MYO18A: variants seen among roughly 807,000 people sequenced by gnomAD.
The protein encoded by MYO18A is unconventional myosin-XVIIIa.
MYO18A carries 78 observed loss-of-function variants against 235.8 expected under a neutral mutation model. The observed-to-expected ratio is 0.33, with a 90% CI of 0.28 to 0.40. The LOEUF (loss-of-function observed/expected upper bound fraction) is 0.40, where lower values mean the gene tolerates loss of function less well. Among genes scored for constraint, MYO18A ranks in the 10% least tolerant of loss-of-function variants. The pLI is 1.00. For synonymous variants in MYO18A, 977 were observed against 1,077.8 expected, an observed-to-expected ratio of 0.91 and a Z score of 1.83; for missense variants, 2,215 against 2,699.3, an observed-to-expected ratio of 0.82 and a Z score of 3.98.
intron 41 of MYO18A, chr17:29,078,602 G>A (rs185100939): frequency 9.2e-5 from 14 of 152,258 alleles, no homozygotes; most frequent in African/African-American, 3.4e-4. Context: ...CTGCACTCGG[G>A]GGACATACCT....
chr17:29,084,875 G>A (rs1332964732), intron 40 of MYO18A, among the ~76,000 whole-genome samples: 5 of 152,084 alleles, frequency 3.3e-5, no homozygotes, highest in East Asian at 1.9e-4. Flanking sequence ...GAAGGCCTGC[G>A]CATCTGCATC....
Position 29,109,987 on chromosome 17 carries a change from T to G in MYO18A, c.3202A>C (p.Ser1068Arg). 2 of 1,612,574 alleles carry G rather than the reference T, an allele frequency of 1.2e-6. No individual in the cohort carries two copies. The highest frequency in any genetic ancestry group is 1.7e-6 in the Non-Finnish European group (2 of 1,179,472). The stretch of plus-strand genomic sequence containing the variant: ...GAGGGCAGGTCCAGCTCACTGCTGC[T>G]GCTGACTCGGCGGGAGGAGGCGGAA... ...PRSASSRRVS[S>R]SSELDLPSGD... Residue 1068 changes from serine (S) to arginine (R), a missense_variant, in exon 19 of 42, where the codon AGC (serine) becomes CGC (arginine). Coordinates refer to ENST00000527372, the MANE Select transcript of MYO18A (RefSeq NM_078471.4). The surrounding 1 kb of genome is among the most constrained non-coding windows in gnomAD (Gnocchi z 4.1).
chr17:29,172,479 A>G (rs2068428107), intron 1 of MYO18A, among the ~76,000 whole-genome samples: 2 of 151,790 alleles, frequency 1.3e-5, no homozygotes, highest in African/African-American at 4.8e-5. Context: ...AAAAAAAATT[A>G]AATAAAAATG....
At chr17:29,174,685 A>G (rs1439356043) in intron 1 of MYO18A, among the ~76,000 whole-genome samples, 1 of 151,938 alleles carries the variant, frequency 6.6e-6, no homozygotes, top group Non-Finnish European at 1.5e-5. Context: ...GTAGTGGCGC[A>G]CCTGTAATCC....
chr17:29,093,713 G>A (rs918023990), intron 31 of MYO18A, among the ~76,000 whole-genome samples: 1 of 152,132 alleles, frequency 6.6e-6, no homozygotes, highest in Non-Finnish European at 1.5e-5. Flanking sequence ...ACTGCAGGCA[G>A]CACCAGTGCA....
intron 2 of MYO18A, among the ~76,000 whole-genome samples, chr17:29,123,055 C>T (rs1463126451): frequency 6.6e-6 from 1 of 152,222 alleles, no homozygotes; most frequent in Non-Finnish European, 1.5e-5. Context: ...CAGATGGGCA[C>T]AGGAGTGGTG....
At chr17:29,114,213 G>T in intron 14 of MYO18A, 116 bp from the exon 15 acceptor site, 1 of 713,328 alleles carries the variant, frequency 1.4e-6, no homozygotes, top group Non-Finnish European at 2.5e-6. Flanking sequence ...TCTGTGCCGT[G>T]CAGGAGCTCC....
rs1267676404 is a variant in MYO18A, at chr17:29,072,335, C to T, written c.*2435G>A. ...AGGTCAGAAGTTCGAGACCAGCCTG[C>T]TCAACATGGCGAAACCCCGTCTCTA... On this transcript the variant is annotated 3_prime_UTR_variant, in exon 42 of 42. Transcript: ENST00000527372. 6.6e-6 allele frequency: 1 copy of T among 151,182 alleles called. No individual in the cohort carries two copies. Among genetic ancestry groups the T allele is most frequent in the Non-Finnish European group, 1.5e-5 (1 of 67,910 alleles). The allele number at this position is 151,182 out of a possible 1,614,324, so 9.4% of individuals were successfully genotyped here. A position where few individuals can be genotyped will look rare whatever the true frequency, so the allele number is the denominator to read the frequency against.
In MYO18A at chr17:29,140,509, G is replaced by A; in HGVS notation, c.1000-18256C>T. 1 of 943,174 alleles carries A rather than the reference G, an allele frequency of 1.1e-6. No homozygotes were observed. 58.4% of individuals were successfully genotyped at this position (943,174 alleles called of 1,614,324 possible). A position where few individuals can be genotyped will look rare whatever the true frequency, so the allele number is the denominator to read the frequency against. On this transcript the variant is annotated intron_variant, in intron 2 of 41. Transcript: ENST00000527372. The surrounding 1 kb of genome is among the most constrained non-coding windows in gnomAD (Gnocchi z 4.2). Reference sequence around the variant, plus strand: ...AGCCCTAGTTGGAGCCAGCAGCCCGGAGGACTTCGGGTATCAGGTATGCCA... The same window carrying A: ...AGCCCTAGTTGGAGCCAGCAGCCCGAAGGACTTCGGGTATCAGGTATGCCA...
At chr17:29,094,400 G>C (rs962154779) in intron 30 of MYO18A, 4 of 605,540 alleles carry the variant, frequency 6.6e-6, no homozygotes, top group African/African-American at 3.7e-5. Flanking sequence ...GTGGCCCTCA[G>C]CTGCCATGCA....
At chr17:29,142,234 A>C (rs2067758740) in intron 2 of MYO18A, among the ~76,000 whole-genome samples, 1 of 152,186 alleles carries the variant, frequency 6.6e-6, no homozygotes, top group African/African-American at 2.4e-5. Context: ...GCCTGGCTGG[A>C]CACTGGGATT....
chr17:29,144,403 T>C (rs2067804302), intron 2 of MYO18A, among the ~76,000 whole-genome samples: 1 of 152,144 alleles, frequency 6.6e-6, no homozygotes, highest in Non-Finnish European at 1.5e-5. Flanking sequence ...ACCCTCTCCA[T>C]CTCTCCAGGC....
intron 2 of MYO18A, chr17:29,124,702 G>T: frequency 7.8e-7 from 1 of 1,282,078 alleles, no homozygotes; most frequent in South Asian, 1.2e-5. Flanking sequence ...CCGACAGCAA[G>T]CAAAGGAGAG....
chr17:29,166,910 T>C lies in MYO18A; in HGVS notation c.31A>G (p.Lys11Glu), dbSNP rs1311072071. 1 of 1,548,368 alleles carries C rather than the reference T, an allele frequency of 6.5e-7. No individual in the cohort carries two copies. The highest frequency in any genetic ancestry group is 8.7e-7 in the Non-Finnish European group (1 of 1,144,790). Residue 11 changes from lysine (K) to glutamate (E), a missense_variant, in exon 2 of 42, where the codon AAA (lysine) becomes GAA (glutamate). Transcript: ENST00000527372. The part of the protein sequence containing the change: MFNLMKKDKD[K>E]DGGRKEKKEK... ...TTCTTCTCCTTCCGCCCGCCATCTT[T>C]GTCCTTGTCTTTCTTCATTAGGTTA... is the stretch of plus-strand genomic sequence containing the variant.
At chr17:29,103,798 A>G in intron 20 of MYO18A, 134 bp from the exon 21 acceptor site, 1 of 763,798 alleles carries the variant, frequency 1.3e-6, no homozygotes, top group East Asian at 2.7e-5. Context: ...GGGCTTCCTC[A>G]GTGTCAGGCA....
intron 1 of MYO18A, among the ~76,000 whole-genome samples, chr17:29,173,022 G>A (rs771152173): frequency 2.6e-4 from 40 of 152,002 alleles, no homozygotes; most frequent in Non-Finnish European, 4.7e-4. Context: ...GGCATGGGAT[G>A]CAGGGAGTCT....
At chr17:29,135,048 G>C (rs556397919) in intron 2 of MYO18A, among the ~76,000 whole-genome samples, 111 of 152,142 alleles carry the variant, frequency 7.3e-4, no homozygotes, top group African/African-American at 2.6e-3. Context: ...CCAGGGAGAG[G>C]CTGCATCCAA....
At position 29,072,511 on chromosome 17, in the gene MYO18A, T is replaced by A. The variant is rs1458635151; in HGVS notation, c.*2259A>T. On this transcript the variant is annotated 3_prime_UTR_variant, in exon 42 of 42. Coordinates refer to ENST00000527372, the MANE Select transcript of MYO18A (RefSeq NM_078471.4). Reference sequence around the variant, plus strand: ...CCACTGCATTCCAGCTTGGGCGACATAGCAAGACTCTGTCTCCAAAAGACA... The same window carrying A: ...CCACTGCATTCCAGCTTGGGCGACAAAGCAAGACTCTGTCTCCAAAAGACA... 6.6e-6 allele frequency: 1 copy of A among 152,192 alleles called. No individual in the cohort carries two copies. Among genetic ancestry groups the A allele is most frequent in the Non-Finnish European group, 1.5e-5 (1 of 68,096 alleles). The allele number at this position is 152,192 out of a possible 1,614,324, so 9.4% of individuals were successfully genotyped here.
chr17:29,128,448 G>A (rs2067379470), intron 2 of MYO18A: 1 of 1,289,474 alleles, frequency 7.8e-7, no homozygotes, highest in Non-Finnish European at 1.0e-6. Flanking sequence ...GTGGGTGCAG[G>A]GCTCCTGGCT....
Sources: allele counts gnomAD v4.1 joint callset (sites outside exome capture counted in the v4.1 genomes callset), GRCh38; gene constraint gnomAD v4.1.1; non-coding constraint Gnocchi (gnomAD v3.1); transcripts MANE v1.5; gene names NCBI Gene and HGNC (gene_info 2026-07-23, HGNC 2026-07-21).